RAD51B: variants seen among roughly 807,000 people sequenced by gnomAD.
The protein encoded by RAD51B is RAD51 paralog B, also known as DNA repair protein RAD51 homolog 2.
In RAD51B, 38 loss-of-function variants were observed where a neutral mutation model predicts 42.2. That is an observed-to-expected ratio of 0.90 (90% CI 0.70 to 1.18). The LOEUF is 1.18. RAD51B is among the 50% of genes most tolerant of loss of function. RAD51B has a pLI of 0.00. For synonymous variants in RAD51B, 154 were observed against 145.2 expected (o/e 1.06, Z -0.43); for missense variants, 373 against 400.7 (o/e 0.93, Z 0.59).
intron 5 of RAD51B, among the ~76,000 whole-genome samples, chr14:67,870,228 A>G (rs1473633488): frequency 6.6e-6 from 1 of 151,944 alleles, no homozygotes; most frequent in Non-Finnish European, 1.5e-5. Flanking sequence ...TCAAAATAAA[A>G]GGTTGGAGGA....
At chr14:68,343,440 C>T (rs1274264612) in intron 8 of RAD51B, among the ~76,000 whole-genome samples, 2 of 152,038 alleles carry the variant, frequency 1.3e-5, no homozygotes, top group African/African-American at 2.4e-5. Context: ...GTGTAATTTT[C>T]CCCCTATCTC....
chr14:68,203,604 G>T (rs1484402451), intron 7 of RAD51B, among the ~76,000 whole-genome samples: 2 of 152,128 alleles, frequency 1.3e-5, no homozygotes, highest in Non-Finnish European at 2.9e-5. Context: ...GTCTTTTGAA[G>T]CTCTGAAGCT....
intron 7 of RAD51B, among the ~76,000 whole-genome samples, chr14:68,268,980 C>T (rs1444583153): frequency 6.6e-6 from 1 of 152,166 alleles, no homozygotes; most frequent in Non-Finnish European, 1.5e-5. Flanking sequence ...TCCCCTCAGG[C>T]GCCACCCTTG....
rs2043788264 is a variant in RAD51B, at chr14:67,906,577, T to C, written c.756+19373T>C. The stretch of plus-strand genomic sequence containing the variant: ...TTACTGATTCAATTTCACAATTTGT[T>C]AGTTGTCTGTTTAGGGTTTCAATTT... On this transcript the variant is annotated intron_variant, in intron 7 of 10. Coordinates refer to ENST00000471583, the MANE Select transcript of RAD51B (RefSeq NM_133510.4). Among the ~76,000 whole-genome samples the C allele has an allele frequency of 2.0e-5, 3 of 152,070 alleles. No homozygotes were observed. In the South Asian group the frequency reaches 6.2e-4, roughly 32 times the overall value.
At position 67,865,011 on chromosome 14, in the gene RAD51B, T is replaced by A. The variant is rs148416792; in HGVS notation, c.324T>A (p.Gly108=). 94 of 488,346 alleles carry A rather than the reference T, an allele frequency of 1.9e-4. No individual in the cohort carries two copies. The highest frequency in any genetic ancestry group is 3.4e-4 in the Non-Finnish European group (91 of 270,640). 30.3% of individuals were successfully genotyped at this position (488,346 alleles called of 1,614,324 possible). Residue 108 remains glycine, a synonymous_variant, in exon 5 of 11, where the codon GGT becomes GGA. Coordinates refer to ENST00000471583, the MANE Select transcript of RAD51B (RefSeq NM_133510.4). ...VACGSLTEIT[G]PPGCGKTQFC... ...TTTTTTTTTTTTTTTAGATTACAGG[T>A]CCACCAGGTTGTGGAAAAACTCAGT... is the stretch of plus-strand genomic sequence containing the variant.
chr14:68,493,793 A>C (rs189749435), intron 10 of RAD51B, among the ~76,000 whole-genome samples: 365 of 152,336 alleles, frequency 2.4e-3, no homozygotes, highest in African/African-American at 6.3e-3. Flanking sequence ...GAGTTTGTAT[A>C]AGAGTTGCCT....
At chr14:68,503,921 G>A (rs1461588914) in intron 10 of RAD51B, among the ~76,000 whole-genome samples, 1 of 151,992 alleles carries the variant, frequency 6.6e-6, no homozygotes, top group Non-Finnish European at 1.5e-5. Flanking sequence ...GACCCCAAAA[G>A]GAAAAACAGA....
rs79327556 is a variant in RAD51B, at chr14:67,911,778, G to T, written c.756+24574G>T. Among the ~76,000 whole-genome samples the T allele has an allele frequency of 8.9e-3, 1,348 of 152,210 alleles. 20 individuals carry two copies. The highest frequency in any genetic ancestry group is 0.031 in the African/African-American group (1,269 of 41,534). On this transcript the variant is annotated intron_variant, in intron 7 of 10. Transcript: ENST00000471583. Reference sequence around the variant, plus strand: ...TGGTTAAAAGCCAGCTTTGAGAGTTGCATTTTACCTCCCTTAGAATTACTC... The same window carrying T: ...TGGTTAAAAGCCAGCTTTGAGAGTTTCATTTTACCTCCCTTAGAATTACTC...
chr14:68,642,458 C>G (rs755076445), intron 10 of RAD51B, among the ~76,000 whole-genome samples: 2 of 152,092 alleles, frequency 1.3e-5, no homozygotes, highest in African/African-American at 2.4e-5. Flanking sequence ...GTGATGTTCC[C>G]TGTTTCATTT....
At chr14:68,211,998 T>G (rs1183766314) in intron 7 of RAD51B, among the ~76,000 whole-genome samples, 2 of 152,212 alleles carry the variant, frequency 1.3e-5, no homozygotes, top group Non-Finnish European at 2.9e-5. Flanking sequence ...ATTGTTATGG[T>G]CTGTATGACA....
intron 8 of RAD51B, among the ~76,000 whole-genome samples, chr14:68,356,098 G>A (rs959008391): frequency 6.6e-6 from 1 of 152,120 alleles, no homozygotes; most frequent in Middle Eastern, 3.2e-3. Context: ...AGTAAATATT[G>A]CAATAAAGTG....
In RAD51B at chr14:68,142,497, A is replaced by G. The variant is rs1051053311; in HGVS notation, c.757-149387A>G. Among the ~76,000 whole-genome samples, 7 of 152,310 alleles carry G rather than the reference A, an allele frequency of 4.6e-5. 1 individual carries two copies. The South Asian group carries it at 1.5e-3, about 32-fold the overall frequency. Reference sequence around the variant, plus strand: ...CTTTCAAATGAAAATATTATCTTCTATATTTAAATTTGTTCCTTGAGTTAG... The same window carrying G: ...CTTTCAAATGAAAATATTATCTTCTGTATTTAAATTTGTTCCTTGAGTTAG... On this transcript the variant is annotated intron_variant, in intron 7 of 10. Coordinates refer to ENST00000471583, the MANE Select transcript of RAD51B (RefSeq NM_133510.4).
At chr14:68,126,481 G>A (rs1004827343) in intron 7 of RAD51B, among the ~76,000 whole-genome samples, 2 of 152,164 alleles carry the variant, frequency 1.3e-5, no homozygotes, top group Admixed American at 6.5e-5. Context: ...CTACTCCTTT[G>A]AATAACTGCA....
At chr14:68,620,067 T>A (rs923461916) in intron 10 of RAD51B, among the ~76,000 whole-genome samples, 57 of 152,106 alleles carry the variant, frequency 3.7e-4, no homozygotes, top group African/African-American at 1.3e-3. Context: ...CTTCCAGGAG[T>A]CTTTCCAAGA....
intron 7 of RAD51B, among the ~76,000 whole-genome samples, chr14:68,271,657 T>A (rs975145668): frequency 3.3e-5 from 5 of 152,206 alleles, no homozygotes; most frequent in African/African-American, 1.2e-4. Context: ...TCATTTTCTT[T>A]ACCTGTCAAA....
At chr14:68,536,852 C>T (rs577243098) in intron 10 of RAD51B, among the ~76,000 whole-genome samples, 4 of 151,230 alleles carry the variant, frequency 2.6e-5, no homozygotes, top group South Asian at 2.1e-4. Context: ...GAGGCCGAGG[C>T]GGGCGGATCC....
At chr14:68,233,980 C>CT (rs2080196646) in intron 7 of RAD51B, among the ~76,000 whole-genome samples, 1 of 152,010 alleles carries the variant, frequency 6.6e-6, no homozygotes, top group Non-Finnish European at 1.5e-5. Flanking sequence ...CATTTGATTT[C>CT]TTTTTTCAGG....
At chr14:68,142,638 TTG>T (rs2078152097) in intron 7 of RAD51B, among the ~76,000 whole-genome samples, 2 of 152,272 alleles carry the variant, frequency 1.3e-5, no homozygotes, top group East Asian at 1.9e-4. Flanking sequence ...CATAGTTTAT[TTG>T]GGAAGCAGCA....
chr14:68,539,313 C>T (rs943177325), intron 10 of RAD51B, among the ~76,000 whole-genome samples: 1 of 152,164 alleles, frequency 6.6e-6, no homozygotes, highest in African/African-American at 2.4e-5. Flanking sequence ...TCAGCCAGCC[C>T]CACCTCATGG....
Sources: allele counts gnomAD v4.1 joint callset (sites outside exome capture counted in the v4.1 genomes callset), GRCh38; gene constraint gnomAD v4.1.1; transcripts MANE v1.5; gene names NCBI Gene and HGNC (gene_info 2026-07-23, HGNC 2026-07-21).